Variants in SLC6A13 observed in about 807,000 individuals in gnomAD.
SLC6A13 encodes sodium- and chloride-dependent GABA transporter 2.
SLC6A13 carries 69 observed loss-of-function variants against 72.9 expected under a neutral mutation model. The observed-to-expected ratio is 0.95, with a 90% CI of 0.78 to 1.16. SLC6A13 has a LOEUF of 1.16. Among genes scored for constraint, SLC6A13 ranks in the 50% most tolerant of loss-of-function variants. The pLI, the probability that SLC6A13 is intolerant of heterozygous loss-of-function variation, is 0.00. For missense variants in SLC6A13, 735 were observed against 760.5 expected, an observed-to-expected ratio of 0.97 and a Z score of 0.39; for synonymous variants, 303 against 303.0, an observed-to-expected ratio of 1.00 and a Z score of 0.00.
intron 7 of SLC6A13, among the ~76,000 whole-genome samples, chr12:228,762 G>A (rs1941580198): frequency 6.6e-6 from 1 of 152,142 alleles, no homozygotes; most frequent in African/African-American, 2.4e-5. Context: ...AGAGGCCTGA[G>A]GGATCCATCA....
chr12:249,265 T>A (rs1942459466), intron 2 of SLC6A13, among the ~76,000 whole-genome samples: 1 of 151,640 alleles, frequency 6.6e-6, no homozygotes, highest in Admixed American at 6.6e-5. Flanking sequence ...ATGAGAAGGA[T>A]AAGAGCAAAT....
chr12:223,875 G>A, intron 11 of SLC6A13, 117 bp downstream of exon 11: 1 of 1,172,184 alleles, frequency 8.5e-7, no homozygotes, highest in Admixed American at 1.8e-5. Context: ...GAGTCCTAGT[G>A]TCCAGAAGCC....
intron 7 of SLC6A13, among the ~76,000 whole-genome samples, chr12:230,567 T>C (rs1017026791): frequency 2.6e-5 from 4 of 152,158 alleles, no homozygotes; most frequent in African/African-American, 4.8e-5. Flanking sequence ...TAAATAAATA[T>C]TAGTTTCCTA....
At chr12:237,818 G>A (rs1399434942) in intron 5 of SLC6A13, 108 bp downstream of exon 5, 4 of 834,050 alleles carry the variant, frequency 4.8e-6, no homozygotes, top group Non-Finnish European at 8.0e-6. Context: ...GCCACTTAGT[G>A]GAAATTCTTC....
intron 8 of SLC6A13, chr12:226,726 G>C: frequency 2.0e-6 from 1 of 495,848 alleles, no homozygotes. Flanking sequence ...GCCCAGGGAC[G>C]GAATAAATCA....
At position 254,504 on chromosome 12, in the gene SLC6A13, C is replaced by T. The variant is rs1205912612; in HGVS notation, c.202+5347G>A. Among the ~76,000 whole-genome samples the T allele has an allele frequency of 1.3e-5, 2 of 152,170 alleles. No homozygotes were observed. The highest frequency in any genetic ancestry group is 2.9e-5 in the Non-Finnish European group (2 of 68,032). On this transcript the variant is annotated intron_variant, in intron 2 of 14. Coordinates refer to ENST00000343164, the MANE Select transcript of SLC6A13 (RefSeq NM_016615.5). The surrounding 1 kb of genome is among the most constrained non-coding windows in gnomAD (Gnocchi z 4.4). ...AATTTCCTTTCCTCATCTTCTTAAC[C>T]TATCTGCAGCCTTTGCTGCAGTTAA...
chr12:255,705 G>A (rs1405795384), intron 2 of SLC6A13, among the ~76,000 whole-genome samples: 3 of 152,144 alleles, frequency 2.0e-5, no homozygotes, highest in Non-Finnish European at 2.9e-5. Flanking sequence ...TGGAGGGGGC[G>A]GAAATAATGT....
rs1941280796 is a variant in SLC6A13, at chr12:223,022, G to A, written c.1414+110C>T. ...AAGATTTTGGAGGTTGGGTAGGGAG[G>A]CGCCCCAGGAAAAGTTAAGTGCGAG... On this transcript the variant is annotated intron_variant, in intron 12 of 14. Coordinates refer to ENST00000343164, the MANE Select transcript of SLC6A13 (RefSeq NM_016615.5). 4.5e-6 allele frequency: 3 copies of A among 674,066 alleles called. No homozygotes were observed. The South Asian group carries it at 5.8e-5, about 13-fold the overall frequency. 41.8% of individuals were successfully genotyped at this position (674,066 alleles called of 1,614,324 possible). A position where few individuals can be genotyped will look rare whatever the true frequency, so the allele number is the denominator to read the frequency against.
intron 7 of SLC6A13, among the ~76,000 whole-genome samples, chr12:230,023 G>A (rs1475841357): frequency 2.0e-5 from 3 of 152,054 alleles, no homozygotes; most frequent in African/African-American, 2.4e-5. Flanking sequence ...AAGCCCCCTC[G>A]CTGGGAGCTT....
chr12:234,284 C>T (rs10774013), intron 7 of SLC6A13, among the ~76,000 whole-genome samples: 96,936 of 152,076 alleles, frequency 0.64, 33,489 homozygotes, highest in Non-Finnish European at 0.8. Context: ...GCCATGGCAA[C>T]GTCAGGAAGT....
chr12:223,209 A>C lies in SLC6A13; in HGVS notation c.1337T>G (p.Phe446Cys), dbSNP rs924748299. 1 of 1,613,268 alleles carries C rather than the reference A, an allele frequency of 6.2e-7. No individual in the cohort carries two copies. The highest frequency in any genetic ancestry group is 8.5e-7 in the Non-Finnish European group (1 of 1,179,340). Residue 446 changes from phenylalanine (F) to cysteine (C), a missense_variant, in exon 12 of 15, where the codon TTT becomes TGT. Transcript: ENST00000343164. ...CATGCCACTGGCCGCATAGTAGTCA[A>C]AGAGCTGGAACACGTACATTCCGCC... is the stretch of plus-strand genomic sequence containing the variant. ...TEGGMYVFQL[F>C]DYYAASGMCL... is the part of the protein sequence containing the mutation.
chr12:230,334 C>G (rs942536593), intron 7 of SLC6A13, among the ~76,000 whole-genome samples: 3 of 152,114 alleles, frequency 2.0e-5, no homozygotes, highest in African/African-American at 7.2e-5. Flanking sequence ...CAAGTCCAAC[C>G]CCCAGGATTA....
At chr12:257,041 G>A (rs991941113) in intron 2 of SLC6A13, among the ~76,000 whole-genome samples, 2 of 152,098 alleles carry the variant, frequency 1.3e-5, no homozygotes, top group Non-Finnish European at 2.9e-5. Context: ...AGCAGCAAAG[G>A]GTCCTTTCAG....
rs1395231988 is a variant in SLC6A13, at chr12:237,201, A to G, written c.653T>C (p.Ile218Thr). The change falls in exon 6 of 15, where the codon ATC becomes ACC. Residue 218 changes from isoleucine to threonine, a missense_variant. Physicochemically the swap from Ile to Thr is moderately conservative, Grantham distance 89. Coordinates refer to ENST00000343164, the MANE Select transcript of SLC6A13 (RefSeq NM_016615.5). Reference protein sequence around the residue: ...LALCLLLAWVICYFCIWKGVK... With the variant: ...LALCLLLAWVTCYFCIWKGVK... ...CCCCTTCCAGATGCAGAAGTAGCAG[A>G]TGACCCAGGCCAGCAGGAGGCACAG... is the stretch of plus-strand genomic sequence containing the variant. 25 of 1,614,094 alleles carry G rather than the reference A, an allele frequency of 1.5e-5. No individual in the cohort carries two copies. The highest frequency in any genetic ancestry group is 1.9e-5 in the Non-Finnish European group (23 of 1,179,974).
intron 2 of SLC6A13, among the ~76,000 whole-genome samples, chr12:244,472 T>G (rs1383328323): frequency 1.3e-5 from 2 of 152,180 alleles, no homozygotes; most frequent in African/African-American, 4.8e-5. Context: ...GAGGATCGCT[T>G]GAGCCCAGGA....
chr12:246,404 G>A (rs906829691), intron 2 of SLC6A13, among the ~76,000 whole-genome samples: 1 of 152,116 alleles, frequency 6.6e-6, no homozygotes, highest in Non-Finnish European at 1.5e-5. Flanking sequence ...AAATTACCAG[G>A]AAAGCAAAGA....
Position 221,294 on chromosome 12 carries a change from C to T in SLC6A13, c.1686+82G>A, listed in dbSNP as rs566207863. 1,825 of 1,420,452 alleles carry T rather than the reference C, an allele frequency of 1.3e-3. 5 individuals carry two copies. Among genetic ancestry groups the T allele is most frequent in the Middle Eastern group, 1.4e-3 (6 of 4,224 alleles). The allele number at this position is 1,420,452 out of a possible 1,614,324, so 88.0% of individuals were successfully genotyped here. On this transcript the variant is annotated intron_variant, in intron 14 of 14. Coordinates refer to ENST00000343164, the MANE Select transcript of SLC6A13 (RefSeq NM_016615.5). Reference sequence around the variant, plus strand: ...ACTGGCACCTCCACACAACGGTGTGCGCCCTGGCTGGCAGCCCACCTGTCG... The same window carrying T: ...ACTGGCACCTCCACACAACGGTGTGTGCCCTGGCTGGCAGCCCACCTGTCG...
intron 2 of SLC6A13, among the ~76,000 whole-genome samples, chr12:251,732 C>T (rs748102791): frequency 2.0e-5 from 3 of 152,010 alleles, no homozygotes; most frequent in Non-Finnish European, 4.4e-5. Context: ...GCTGGAGGAT[C>T]GCTTGAGCCC....
rs1565487126 is a variant in SLC6A13 at position 222,649 on chromosome 12, A to T, written c.1415-17T>A. 6.5e-7 allele frequency: 1 copy of T among 1,546,950 alleles called. No homozygotes were observed. The highest frequency in any genetic ancestry group is 8.9e-7 in the Non-Finnish European group (1 of 1,125,478). Reference sequence around the variant, plus strand: ...GCTTGGCTCCTACCATGGAGAAAAGAAGAAGGAAGGAGGAGAAAGTCATTC... The same window carrying T: ...GCTTGGCTCCTACCATGGAGAAAAGTAGAAGGAAGGAGGAGAAAGTCATTC... On this transcript the variant is annotated splice_polypyrimidine_tract_variant and intron_variant, in intron 12 of 14. Coordinates refer to ENST00000343164, the MANE Select transcript of SLC6A13 (RefSeq NM_016615.5).
Sources: allele counts gnomAD v4.1 joint callset (sites outside exome capture counted in the v4.1 genomes callset), GRCh38; gene constraint gnomAD v4.1.1; non-coding constraint Gnocchi (gnomAD v3.1); transcripts MANE v1.5; gene names NCBI Gene and HGNC (gene_info 2026-07-23, HGNC 2026-07-21).